Variants in RNF126 observed in about 807,000 individuals in gnomAD.
RNF126 encodes ring finger protein 126, also known as E3 ubiquitin-protein ligase RNF126.
RNF126 carries 20 observed loss-of-function variants against 41.9 expected under a neutral mutation model. That is an observed-to-expected ratio of 0.48 (90% confidence interval 0.34 to 0.69). RNF126 has a LOEUF of 0.69. Among genes scored for constraint, RNF126 ranks in the 30% least tolerant of loss-of-function variants. The pLI, the probability that RNF126 is intolerant of heterozygous loss-of-function variation, is 0.01. For synonymous variants in RNF126, 239 were observed against 202.9 expected, an observed-to-expected ratio of 1.18 and a Z score of -1.51; for missense variants, 433 against 460.6, an observed-to-expected ratio of 0.94 and a Z score of 0.55.
At chr19:648,558 C>A in intron 7 of RNF126, 71 bp from the exon 8 acceptor site, 1 of 1,277,282 alleles carries the variant, frequency 7.8e-7, no homozygotes, top group Non-Finnish European at 1.1e-6. Flanking sequence ...CAGGCTACTC[C>A]ACAGCCTCAG....
At chr19:662,109 A>G (rs946223477) in intron 1 of RNF126, among the ~76,000 whole-genome samples, 17 of 152,202 alleles carry the variant, frequency 1.1e-4, no homozygotes, top group Non-Finnish European at 2.1e-4. Context: ...GCTTGAGCCC[A>G]GGAGTTCAAG....
intron 4 of RNF126, 136 bp from the exon 5 acceptor site, chr19:650,432 C>T (rs374773860): frequency 1.7e-5 from 13 of 743,906 alleles, no homozygotes; most frequent in Middle Eastern, 2.5e-4. Context: ...ATTTATTTTA[C>T]TATGAGCCAG....
At chr19:658,042 C>T (rs1254001534) in intron 1 of RNF126, among the ~76,000 whole-genome samples, 3 of 151,996 alleles carry the variant, frequency 2.0e-5, no homozygotes, top group Non-Finnish European at 4.4e-5. Context: ...CACAGAGGCC[C>T]CATTGGAGCC....
At position 648,254 on chromosome 19, in the gene RNF126, T is replaced by A. The variant is rs1173963988; in HGVS notation, c.810A>T (p.Arg270=). The A allele has an allele frequency of 6.3e-7, 1 of 1,578,972 alleles. No homozygotes were observed. Among genetic ancestry groups the A allele is most frequent in the Admixed American group, 1.8e-5 (1 of 54,478 alleles). ...CCGTGTTCTGTCCCGTGAGGCTTTT[T>A]CGGCAGACGGGGCAGCTGTCGTGCT... ...LEQHDSCPVC[R]KSLTGQNTAT... Residue 270 remains arginine (R), a synonymous_variant, in exon 9 of 9, where the codon CGA becomes CGT. Coordinates refer to ENST00000292363, the MANE Select transcript of RNF126 (RefSeq NM_194460.3).
At position 659,875 on chromosome 19, in the gene RNF126, C is replaced by T. The variant is rs1314958995; in HGVS notation, c.75+3172G>A. Among the ~76,000 whole-genome samples the T allele has an allele frequency of 2.0e-5, 3 of 151,952 alleles. No individual in the cohort carries two copies. The highest frequency in any genetic ancestry group is 7.3e-5 in the African/African-American group (3 of 41,350). On this transcript the variant is annotated intron_variant, in intron 1 of 8. Coordinates refer to ENST00000292363, the MANE Select transcript of RNF126 (RefSeq NM_194460.3). The surrounding 1 kb of genome is among the most constrained non-coding windows in gnomAD (Gnocchi z 4.9). ...GCCTTCCAGGTTCAAGCAATTCTCC[C>T]GCCTCAGCCTCCTAAGTCACTGGGA...
At chr19:651,448 C>G in intron 4 of RNF126, 163 bp downstream of exon 4, 1 of 596,172 alleles carries the variant, frequency 1.7e-6, no homozygotes, top group Non-Finnish European at 2.6e-6. Context: ...CTCCGAAGGG[C>G]CGTGTGGGGA....
chr19:648,414 G>T lies in RNF126; in HGVS notation c.744C>A (p.Asn248Lys). ...CGATGCAGCCGTCGTGGAACAGGTG[G>T]TTGCAGGGCAGCTGCCGCACACGCT... ...LGERVRQLPC[N>K]HLFHDGCIVP... The change falls in exon 8 of 9, where the codon AAC becomes AAA. Residue 248 changes from asparagine (N) to lysine (K), a missense_variant. Around this residue, in one of 5 missense-constraint regions of RNF126, gnomAD observed 97 missense variants for 121.7 expected, o/e 0.80. Coordinates refer to ENST00000292363, the MANE Select transcript of RNF126 (RefSeq NM_194460.3). 6.3e-7 allele frequency: 1 copy of T among 1,585,010 alleles called. No homozygotes were observed. The highest frequency in any genetic ancestry group is 2.3e-5 in the East Asian group (1 of 43,140).
rs1440974379 is a variant in RNF126, at chr19:659,068, C to T, written c.75+3979G>A. 6.6e-6 allele frequency among the ~76,000 whole-genome samples: 1 copy of T among 152,200 alleles called. No individual in the cohort carries two copies. Among genetic ancestry groups the T allele is most frequent in the Non-Finnish European group, 1.5e-5 (1 of 68,038 alleles). On this transcript the variant is annotated intron_variant, in intron 1 of 8. Transcript: ENST00000292363. The surrounding 1 kb of genome is among the most constrained non-coding windows in gnomAD (Gnocchi z 4.9). ...CATGTTCACAGGGTGCTGCAGGGAG[C>T]CCGTTCCGGAGAACCCAGCTGTGCA...
At position 659,275 on chromosome 19, in the gene RNF126, C is replaced by T. The variant is rs1240248063; in HGVS notation, c.75+3772G>A. Reference sequence around the variant, plus strand: ...GGAGAAGACAGGGTGGGCCGGGGGGCAGCTGGGGAGACTTCCCGCCTGGCC... The same window carrying T: ...GGAGAAGACAGGGTGGGCCGGGGGGTAGCTGGGGAGACTTCCCGCCTGGCC... On this transcript the variant is annotated intron_variant, in intron 1 of 8. Coordinates refer to ENST00000292363, the MANE Select transcript of RNF126 (RefSeq NM_194460.3). This position sits in a 1 kb window ranked among gnomAD's most constrained non-coding sequence, Gnocchi z 4.9. 6.6e-6 allele frequency among the ~76,000 whole-genome samples: 1 copy of T among 152,158 alleles called. No homozygotes were observed. Among genetic ancestry groups the T allele is most frequent in the East Asian group, 1.9e-4 (1 of 5,186 alleles).
intron 1 of RNF126, among the ~76,000 whole-genome samples, chr19:656,408 C>T (rs1197707320): frequency 6.6e-6 from 1 of 152,048 alleles, no homozygotes; most frequent in Non-Finnish European, 1.5e-5. Context: ...AATCCTAGCA[C>T]TTTGGGAGGC....
intron 2 of RNF126, 199 bp from the exon 3 acceptor site, chr19:652,495 G>C (rs577099729): frequency 1.7e-6 from 1 of 604,974 alleles, no homozygotes; most frequent in South Asian, 2.1e-5. Context: ...CGATAAACCG[G>C]TGCAGACCCC....
intron 6 of RNF126, chr19:649,219 A>ATGG (rs1555680154): frequency 2.0e-5 from 1 of 51,118 alleles, no homozygotes; most frequent in Non-Finnish European, 3.8e-5. Flanking sequence ...TGACAGCGGA[A>ATGG]TGGGGGGGGG....
chr19:661,945 T>C (rs1183692110), intron 1 of RNF126, among the ~76,000 whole-genome samples: 1 of 152,112 alleles, frequency 6.6e-6, no homozygotes, highest in African/African-American at 2.4e-5. Flanking sequence ...GCGCCTCAGT[T>C]TCCCCATCTA....
chr19:662,019 G>C (rs1457330691), intron 1 of RNF126, among the ~76,000 whole-genome samples: 1 of 152,050 alleles, frequency 6.6e-6, no homozygotes, highest in African/African-American at 2.4e-5. Context: ...GGCAACACGG[G>C]TTAAAAATGC....
In RNF126 at chr19:651,715, C is replaced by T; in HGVS notation, c.339G>A (p.Glu113=). The change falls in exon 4 of 9, where the codon GAG becomes GAA. Residue 113 remains glutamate, a synonymous_variant. Transcript: ENST00000292363. The part of the protein sequence containing the change: ...DDGRDPESRR[E]RDHPSRHRYG... ...ACCGGTGCCGGGACGGATGGTCTCTCTCCCGCCGGCTCTCAGGGTCCCTGC... is the reference window on the plus strand; with the variant it reads ...ACCGGTGCCGGGACGGATGGTCTCTTTCCCGCCGGCTCTCAGGGTCCCTGC... 2 of 1,609,842 alleles carry T rather than the reference C, an allele frequency of 1.2e-6. No homozygotes were observed. The highest frequency in any genetic ancestry group is 1.7e-6 in the Non-Finnish European group (2 of 1,178,666).
chr19:648,048 A>G lies in RNF126; in HGVS notation c.*80T>C, dbSNP rs929734070. ...CAGCCAAGCGTGGCGCCGCCGGGGCACCCAGTCTGTGGGTGCCGTGTGGCG... is the reference window on the plus strand; with the variant it reads ...CAGCCAAGCGTGGCGCCGCCGGGGCGCCCAGTCTGTGGGTGCCGTGTGGCG... On this transcript the variant is annotated 3_prime_UTR_variant, in exon 9 of 9. Transcript: ENST00000292363. 1.2e-5 allele frequency: 17 copies of G among 1,425,558 alleles called. No homozygotes were observed. In the East Asian group the frequency reaches 3.7e-4, roughly 31 times the overall value. The allele number at this position is 1,425,558 out of a possible 1,614,324, so 88.3% of individuals were successfully genotyped here. A position where few individuals can be genotyped will look rare whatever the true frequency, so the allele number is the denominator to read the frequency against.
chr19:653,141 G>A (rs2030404076), intron 1 of RNF126, among the ~76,000 whole-genome samples: 1 of 149,720 alleles, frequency 6.7e-6, no homozygotes, highest in Non-Finnish European at 1.5e-5. Context: ...GGCGTCACCA[G>A]CGTCATCAGC....
rs1179381521 is a variant in RNF126, at chr19:659,236, C to T, written c.75+3811G>A. Among the ~76,000 whole-genome samples, 7 of 152,136 alleles carry T rather than the reference C, an allele frequency of 4.6e-5. No individual in the cohort carries two copies. The highest frequency in any genetic ancestry group is 1.4e-4 in the African/African-American group (6 of 41,434). ...CGTCTTCTGAAGACTCGGGCCAGGCCGCCGCAGGGACCAGGAGAAGACAGG... is the reference window on the plus strand; with the variant it reads ...CGTCTTCTGAAGACTCGGGCCAGGCTGCCGCAGGGACCAGGAGAAGACAGG... On this transcript the variant is annotated intron_variant, in intron 1 of 8. Coordinates refer to ENST00000292363, the MANE Select transcript of RNF126 (RefSeq NM_194460.3). The surrounding 1 kb of genome is among the most constrained non-coding windows in gnomAD (Gnocchi z 4.9).
intron 4 of RNF126, chr19:651,320 C>T (rs1159893078): frequency 3.5e-6 from 1 of 285,654 alleles, no homozygotes; most frequent in Admixed American, 5.4e-5. Flanking sequence ...GGCCCAAGGC[C>T]TGGACAGCGT....
Sources: gnomAD v4.1 joint callset for allele counts (sites outside exome capture counted in the v4.1 genomes callset) on GRCh38, gnomAD v4.1.1 for gene constraint, gnomAD v4.1.1 regional missense constraint, Gnocchi (gnomAD v3.1) non-coding constraint, MANE v1.5 for transcripts, NCBI Gene and HGNC (gene_info 2026-07-23, HGNC 2026-07-21) for gene names.